TDRD3: variants seen among roughly 807,000 people sequenced by gnomAD.
The protein encoded by TDRD3 is tudor domain-containing protein 3.
A neutral mutation model predicts 86.7 loss-of-function variants in TDRD3; 45 were observed. The ratio of observed to expected loss-of-function variants is 0.52; its 90% CI spans 0.41 to 0.67. The LOEUF (loss-of-function observed/expected upper bound fraction) is 0.67, where lower values mean the gene tolerates loss of function less well. TDRD3 is among the 30% of genes least tolerant of loss of function. The pLI, the probability that TDRD3 is intolerant of heterozygous loss-of-function variation, is 0.00. For synonymous variants in TDRD3, 298 were observed against 301.7 expected (o/e 0.99, Z 0.13); for missense variants, 814 against 889.0 (o/e 0.92, Z 1.07).
intron 5 of TDRD3, among the ~76,000 whole-genome samples, chr13:60,476,599 C>T (rs1304827522): frequency 6.6e-6 from 1 of 151,838 alleles, no homozygotes; most frequent in East Asian, 1.9e-4. Context: ...TGAAGAATAA[C>T]ATTGATAGTT....
chr13:60,435,850 T>C (rs1432732013), intron 1 of TDRD3, among the ~76,000 whole-genome samples: 2 of 151,238 alleles, frequency 1.3e-5, no homozygotes, highest in African/African-American at 4.8e-5. Flanking sequence ...TCCATACTGT[T>C]TTCCGTAGTG....
chr13:60,409,818 G>A (rs1954315704), intron 1 of TDRD3, among the ~76,000 whole-genome samples: 1 of 152,176 alleles, frequency 6.6e-6, no homozygotes, highest in East Asian at 1.9e-4. Context: ...GACTTTGGTG[G>A]ACTGTTCGGA....
intron 12 of TDRD3, among the ~76,000 whole-genome samples, chr13:60,560,681 G>T (rs556823464): frequency 6.6e-6 from 1 of 152,220 alleles, no homozygotes; most frequent in East Asian, 1.9e-4. Context: ...ACTAAGAAGA[G>T]CTTATAATAA....
intron 10 of TDRD3, among the ~76,000 whole-genome samples, chr13:60,524,960 G>A (rs576745546): frequency 2.6e-4 from 39 of 149,482 alleles, no homozygotes; most frequent in Non-Finnish European, 4.5e-4. Flanking sequence ...GGTGGCAGGC[G>A]CCTGTAATCC....
chr13:60,507,214 C>A (rs1048459403), intron 8 of TDRD3, among the ~76,000 whole-genome samples: 2 of 152,112 alleles, frequency 1.3e-5, no homozygotes, highest in Non-Finnish European at 2.9e-5. Context: ...TCTTAGAGAC[C>A]TACAAAGAGA....
chr13:60,561,063 T>C (rs1308517925), intron 12 of TDRD3, among the ~76,000 whole-genome samples: 4 of 152,198 alleles, frequency 2.6e-5, no homozygotes, highest in African/African-American at 9.6e-5. Context: ...ATATATTTTC[T>C]TCTAAAGGGG....
At chr13:60,541,160 T>C (rs1380164767) in intron 12 of TDRD3, among the ~76,000 whole-genome samples, 2 of 151,800 alleles carry the variant, frequency 1.3e-5, no homozygotes, top group Admixed American at 1.3e-4. Context: ...TTTCTTTCTT[T>C]CTTTCTTTCT....
chr13:60,543,995 A>G (rs1372036845), intron 12 of TDRD3, among the ~76,000 whole-genome samples: 2 of 148,442 alleles, frequency 1.3e-5, no homozygotes, highest in Admixed American at 1.3e-4. Flanking sequence ...CTTACCTTAT[A>G]ACCTACATGA....
intron 1 of TDRD3, among the ~76,000 whole-genome samples, chr13:60,439,102 C>T (rs1380633927): frequency 6.6e-6 from 1 of 151,654 alleles, no homozygotes; most frequent in African/African-American, 2.4e-5. Flanking sequence ...GCAAATAAGA[C>T]AATGCGTAAA....
chr13:60,408,030 A>G (rs1954274656), intron 1 of TDRD3, among the ~76,000 whole-genome samples: 1 of 152,080 alleles, frequency 6.6e-6, no homozygotes, highest in South Asian at 2.1e-4. Flanking sequence ...TGCCGCCGCC[A>G]TGTAAGAAGT....
intron 11 of TDRD3, among the ~76,000 whole-genome samples, chr13:60,530,616 ATT>A (rs746006256): frequency 1.8e-4 from 22 of 125,006 alleles, no homozygotes; most frequent in Admixed American, 3.2e-4. Flanking sequence ...AATTTTTTGT[ATT>A]TTTTTTTTTT....
At chr13:60,517,333 C>T (rs564265388) in intron 10 of TDRD3, among the ~76,000 whole-genome samples, 13 of 151,654 alleles carry the variant, frequency 8.6e-5, no homozygotes, top group East Asian at 1.9e-4. Context: ...GAAACTAGGC[C>T]GAGACAAGAG....
At chr13:60,425,882 T>C (rs1339030793) in intron 1 of TDRD3, among the ~76,000 whole-genome samples, 1 of 152,150 alleles carries the variant, frequency 6.6e-6, no homozygotes, top group Non-Finnish European at 1.5e-5. Context: ...ACATTTTCTT[T>C]TTATTGTAGG....
intron 10 of TDRD3, among the ~76,000 whole-genome samples, chr13:60,522,410 A>T (rs575939160): frequency 5.3e-4 from 81 of 152,322 alleles, no homozygotes; most frequent in Non-Finnish European, 9.1e-4. Context: ...CTGATGTGTC[A>T]TCAATTAAGT....
intron 1 of TDRD3, among the ~76,000 whole-genome samples, chr13:60,403,780 T>C (rs1954162003): frequency 6.6e-6 from 1 of 152,230 alleles, no homozygotes; most frequent in African/African-American, 2.4e-5. Context: ...AGTGTGTGTA[T>C]GTACTTTTCA....
chr13:60,463,085 C>T (rs1230546339), intron 4 of TDRD3, among the ~76,000 whole-genome samples: 1 of 152,136 alleles, frequency 6.6e-6, no homozygotes, highest in Non-Finnish European at 1.5e-5. Context: ...ATTCCCGTCT[C>T]TCACCATATA....
At chr13:60,446,553 A>G (rs1434399538) in intron 3 of TDRD3, among the ~76,000 whole-genome samples, 1 of 152,122 alleles carries the variant, frequency 6.6e-6, no homozygotes, top group African/African-American at 2.4e-5. Context: ...CTTATATGTC[A>G]TATAAGAATA....
intron 3 of TDRD3, among the ~76,000 whole-genome samples, chr13:60,456,391 G>A (rs896504753): frequency 2.6e-5 from 4 of 152,098 alleles, no homozygotes; most frequent in Admixed American, 1.3e-4. Context: ...CTGGATTAAT[G>A]GCCTGAGAGA....
chr13:60,412,770 T>C (rs1439758950), intron 1 of TDRD3, among the ~76,000 whole-genome samples: 1 of 152,170 alleles, frequency 6.6e-6, no homozygotes, highest in African/African-American at 2.4e-5. Context: ...TGAATTGGAC[T>C]GTTAGTGGTC....
Sources: gnomAD v4.1 joint callset for allele counts (sites outside exome capture counted in the v4.1 genomes callset) on GRCh38, gnomAD v4.1.1 for gene constraint, MANE v1.5 for transcripts, NCBI Gene and HGNC (gene_info 2026-07-23, HGNC 2026-07-21) for gene names.